The following GALNT14 variants were observed in gnomAD, a reference collection of about 807,000 sequenced individuals.
GALNT14 encodes polypeptide N-acetylgalactosaminyltransferase 14, also known as UDP-GalNAc:polypeptide N-acetylgalactosaminyltransferase 14.
Under a neutral mutation model 77.5 loss-of-function variants are expected in GALNT14, and 60 were observed. That is an observed-to-expected ratio of 0.77 (90% CI 0.63 to 0.96). GALNT14 has a LOEUF of 0.96. Among genes scored for constraint, GALNT14 ranks in the 40% least tolerant of loss-of-function variants. The probability of loss-of-function intolerance (pLI) is 0.00; values close to 1 mark genes in which losing one functional copy is unlikely to be tolerated. For missense variants in GALNT14, 710 were observed against 731.0 expected (o/e 0.97, Z 0.33); for synonymous variants, 280 against 281.7 (o/e 0.99, Z 0.06).
chr2:30,923,661 C>G (rs1286637336), intron 13 of GALNT14, among the ~76,000 whole-genome samples: 4 of 152,106 alleles, frequency 2.6e-5, no homozygotes, highest in African/African-American at 9.7e-5. Flanking sequence ...TGACTACCTG[C>G]CAGTCAGAGC....
intron 11 of GALNT14, among the ~76,000 whole-genome samples, chr2:30,926,482 T>A (rs112285860): frequency 1.8e-3 from 277 of 152,170 alleles, no homozygotes; most frequent in African/African-American, 6.1e-3. Flanking sequence ...TAGTTGATAA[T>A]TGGATAGAAG....
the GALNT14 span, among the ~76,000 whole-genome samples, chr2:30,903,997 A>T: frequency 6.6e-6 from 1 of 152,226 alleles, no homozygotes; most frequent in East Asian, 1.9e-4. Context: ...GCTAAAGGCC[A>T]CAGGCCATAA....
chr2:30,897,297 G>A, the GALNT14 span, among the ~76,000 whole-genome samples: 1 of 152,104 alleles, frequency 6.6e-6, no homozygotes, highest in African/African-American at 2.4e-5. Context: ...AAGCTCCAGT[G>A]GGTCTAAGAC....
chr2:31,135,552 G>A (rs955002314), intron 1 of GALNT14, among the ~76,000 whole-genome samples: 1 of 152,126 alleles, frequency 6.6e-6, no homozygotes, highest in Admixed American at 6.6e-5. Context: ...AGTAAGAGGT[G>A]TCAAGATTTT....
chr2:31,101,688 C>T (rs1677284667), intron 1 of GALNT14, among the ~76,000 whole-genome samples: 1 of 152,112 alleles, frequency 6.6e-6, no homozygotes, highest in African/African-American at 2.4e-5. Flanking sequence ...CTTGCTCCCA[C>T]ATTTTCTTGA....
intron 13 of GALNT14, among the ~76,000 whole-genome samples, chr2:30,914,485 T>C (rs552976149): frequency 1.3e-5 from 2 of 152,278 alleles, no homozygotes; most frequent in East Asian, 3.9e-4. Context: ...TATGAAAAGA[T>C]GAACAAAGGT....
chr2:31,035,108 G>C (rs1672635492), intron 1 of GALNT14, among the ~76,000 whole-genome samples: 1 of 152,196 alleles, frequency 6.6e-6, no homozygotes, highest in Admixed American at 6.5e-5. Context: ...ATTAGGCCAA[G>C]TTAGTTTGCG....
At chr2:31,079,728 A>G (rs1353894023) in intron 1 of GALNT14, among the ~76,000 whole-genome samples, 3 of 152,196 alleles carry the variant, frequency 2.0e-5, no homozygotes, top group Non-Finnish European at 2.9e-5. Flanking sequence ...GGCACAACAC[A>G]AAGTGGTGGT....
At chr2:30,995,235 T>G (rs1212904881) in intron 1 of GALNT14, among the ~76,000 whole-genome samples, 2 of 151,748 alleles carry the variant, frequency 1.3e-5, no homozygotes, top group Non-Finnish European at 2.9e-5. Context: ...AATGACAGAC[T>G]GCATATACGA....
intron 1 of GALNT14, among the ~76,000 whole-genome samples, chr2:31,045,674 G>C (rs1673406159): frequency 6.6e-6 from 1 of 152,176 alleles, no homozygotes; most frequent in East Asian, 1.9e-4. Flanking sequence ...TGTTGGCCAG[G>C]CTGGTCTCGA....
intron 1 of GALNT14, among the ~76,000 whole-genome samples, chr2:31,002,391 C>T (rs1670419652): frequency 6.6e-6 from 1 of 151,914 alleles, no homozygotes; most frequent in South Asian, 2.1e-4. Flanking sequence ...GTTCATGCCA[C>T]TGCGCTCCAA....
intron 3 of GALNT14, among the ~76,000 whole-genome samples, chr2:30,965,699 C>T (rs1395382414): frequency 6.6e-6 from 1 of 152,198 alleles, no homozygotes; most frequent in African/African-American, 2.4e-5. Flanking sequence ...GGGGATGGAA[C>T]TGCAGGTAGA....
At chr2:30,925,011 G>A (rs1665282641) in intron 11 of GALNT14, among the ~76,000 whole-genome samples, 188 bp from the exon 12 acceptor site, 1 of 152,222 alleles carries the variant, frequency 6.6e-6, no homozygotes, top group Non-Finnish European at 1.5e-5. Flanking sequence ...ACAGAGCTAT[G>A]GAAACACTTA....
chr2:31,121,453 C>A (rs971283127), intron 1 of GALNT14, among the ~76,000 whole-genome samples: 2 of 152,144 alleles, frequency 1.3e-5, no homozygotes, highest in Non-Finnish European at 2.9e-5. Flanking sequence ...ACCCTTAAAC[C>A]CAAAACATTT....
intron 2 of GALNT14, among the ~76,000 whole-genome samples, chr2:30,984,377 G>T (rs1219492757): frequency 6.6e-6 from 1 of 152,186 alleles, no homozygotes; most frequent in Non-Finnish European, 1.5e-5. Flanking sequence ...TCACACTTTG[G>T]CTTTCTTCCT....
Position 30,944,882 on chromosome 2 carries a change from C to T in GALNT14, c.803G>A (p.Arg268His), listed in dbSNP as rs201375957. The change falls in exon 8 of 15, where the codon CGC becomes CAC. Residue 268 changes from arginine to histidine, a missense_variant. Coordinates refer to ENST00000349752, the MANE Select transcript of GALNT14 (RefSeq NM_024572.4). The stretch of plus-strand genomic sequence containing the variant: ...CCTGATGGGCTCCGTGGGGTCCAGG[C>T]GCCGAGCCTTCTGCTCTGGGGAGAG... ...EQLSPEQKARRLDPTEPIRTP... is the reference protein window; with the variant it reads ...EQLSPEQKARHLDPTEPIRTP... 52 of 1,610,208 alleles carry T rather than the reference C, an allele frequency of 3.2e-5. No homozygotes were observed. The highest frequency in any genetic ancestry group is 2.2e-5 in the East Asian group (1 of 44,812).
chr2:30,952,119 T>A (rs1667064248), intron 6 of GALNT14, among the ~76,000 whole-genome samples: 1 of 152,152 alleles, frequency 6.6e-6, no homozygotes, highest in South Asian at 2.1e-4. Context: ...AAAATGCTTA[T>A]GTATAACATT....
intron 2 of GALNT14, among the ~76,000 whole-genome samples, chr2:30,972,402 G>T (rs1010958700): frequency 2.0e-5 from 3 of 152,144 alleles, no homozygotes; most frequent in African/African-American, 7.2e-5. Flanking sequence ...TGGAGCTCCC[G>T]GTTTACAGTG....
intron 1 of GALNT14, among the ~76,000 whole-genome samples, chr2:31,049,264 A>G (rs1862983): frequency 0.32 from 48,145 of 151,942 alleles, 7,966 homozygotes; most frequent in East Asian, 0.46. Context: ...ATTCTATGGT[A>G]TCCCATGCAA....
Sources: allele counts gnomAD v4.1 joint callset (sites outside exome capture counted in the v4.1 genomes callset), GRCh38; gene constraint gnomAD v4.1.1; transcripts MANE v1.5; gene names NCBI Gene and HGNC (gene_info 2026-07-23, HGNC 2026-07-21).